SPPL3: variants seen among roughly 807,000 people sequenced by gnomAD.
SPPL3 encodes the protein signal peptide peptidase like 3, also known as signal peptide peptidase-like 3.
SPPL3 carries 5 observed loss-of-function variants against 42.4 expected under a neutral mutation model. The ratio of observed to expected loss-of-function variants is 0.12; its 90% CI spans 0.06 to 0.25. The LOEUF is 0.25. Among genes scored for constraint, SPPL3 ranks in the 10% least tolerant of loss-of-function variants. SPPL3 has a pLI of 1.00. For missense variants in SPPL3, 235 were observed against 489.0 expected (o/e 0.48, Z 4.90); for synonymous variants, 195 against 181.8 (o/e 1.07, Z -0.58).
At chr12:120,874,719 GTGTGTGA>G (rs1873031118) in intron 1 of SPPL3, among the ~76,000 whole-genome samples, 2 of 152,056 alleles carry the variant, frequency 1.3e-5, no homozygotes, top group South Asian at 4.1e-4. Context: ...ACGAGAGGGT[GTGTGTGA>G]TGTGGGGGAG....
rs771563038 is a variant in SPPL3 at position 120,784,455 on chromosome 12, CAG to C, written c.310+17_310+18del. ...TTCCTTTTAGTATGTTAAGACTAGA[CAG>C]AGAAACTCATATTTACCTGCTGTAC... On this transcript the variant is annotated intron_variant, in intron 4 of 10. Coordinates refer to ENST00000353487, the MANE Select transcript of SPPL3 (RefSeq NM_139015.5). 1.9e-6 allele frequency: 3 copies of C among 1,574,908 alleles called. No individual in the cohort carries two copies. In the Admixed American group the frequency reaches 5.8e-5, roughly 31 times the overall value.
chr12:120,803,330 G>A (rs888869446), intron 2 of SPPL3, among the ~76,000 whole-genome samples: 1 of 152,092 alleles, frequency 6.6e-6, no homozygotes, highest in Non-Finnish European at 1.5e-5. Flanking sequence ...GTTAGTACAT[G>A]CTCTGAAATC....
chr12:120,778,344 T>G (rs1367045334), intron 6 of SPPL3, among the ~76,000 whole-genome samples: 1 of 152,062 alleles, frequency 6.6e-6, no homozygotes, highest in East Asian at 1.9e-4. Context: ...CTCGAACTCC[T>G]GACCTCAGGT....
At chr12:120,898,509 G>A (rs1372317256) in intron 1 of SPPL3, among the ~76,000 whole-genome samples, 1 of 151,776 alleles carries the variant, frequency 6.6e-6, no homozygotes, top group Non-Finnish European at 1.5e-5. Flanking sequence ...AAGGAATCTG[G>A]GTTTTATTCT....
At chr12:120,783,620 G>T in intron 5 of SPPL3, 54 bp downstream of exon 5, 1 of 1,481,890 alleles carries the variant, frequency 6.7e-7, no homozygotes, top group South Asian at 1.3e-5. Context: ...TATCAAATAT[G>T]ACAGAAAAAT....
intron 2 of SPPL3, among the ~76,000 whole-genome samples, chr12:120,795,838 C>T (rs192848528): frequency 2.6e-5 from 4 of 152,252 alleles, no homozygotes; most frequent in Admixed American, 1.3e-4. Flanking sequence ...GACTCCATTA[C>T]CCATACAGTA....
intron 6 of SPPL3, among the ~76,000 whole-genome samples, chr12:120,775,336 G>C (rs1467848681): frequency 6.6e-6 from 1 of 152,128 alleles, no homozygotes; most frequent in Non-Finnish European, 1.5e-5. Context: ...ATTTTTAGTA[G>C]AGATGGGGTT....
chr12:120,878,835 C>T (rs372917919), intron 1 of SPPL3, among the ~76,000 whole-genome samples: 3 of 151,970 alleles, frequency 2.0e-5, no homozygotes, highest in Admixed American at 6.6e-5. Flanking sequence ...ACGATAAGGC[C>T]GGGCGCAGTG....
At chr12:120,789,884 T>G (rs1049651675) in intron 3 of SPPL3, among the ~76,000 whole-genome samples, 1 of 149,698 alleles carries the variant, frequency 6.7e-6, no homozygotes, top group Admixed American at 6.6e-5. Flanking sequence ...CTTTCCACTG[T>G]ACGGACTGGC....
At chr12:120,900,597 G>GAAAA (rs10657271) in intron 1 of SPPL3, among the ~76,000 whole-genome samples, 6 of 123,090 alleles carry the variant, frequency 4.9e-5, no homozygotes, top group African/African-American at 1.9e-4. Context: ...CTGTCTCAAG[G>GAAAA]AAAAAAAAAA....
intron 1 of SPPL3, among the ~76,000 whole-genome samples, chr12:120,855,888 G>A (rs1592997764): frequency 2.0e-5 from 3 of 152,254 alleles, no homozygotes; most frequent in African/African-American, 7.2e-5. Flanking sequence ...TGTTCACCAT[G>A]AACATGCTTT....
intron 2 of SPPL3, among the ~76,000 whole-genome samples, chr12:120,802,433 T>TATA (rs1250275570): frequency 4.0e-3 from 364 of 92,116 alleles, no homozygotes; most frequent in African/African-American, 0.016. Context: ...ATATATATAT[T>TATA]TTTTTTTTTT....
intron 1 of SPPL3, among the ~76,000 whole-genome samples, chr12:120,830,005 AAAAAG>A (rs915421023): frequency 6.6e-6 from 1 of 151,454 alleles, no homozygotes; most frequent in African/African-American, 2.4e-5. Context: ...AAAAAAAAAA[AAAAAG>A]AAGAGTAAAT....
At position 120,826,936 on chromosome 12, in the gene SPPL3, G is replaced by A. The variant is rs149884845; in HGVS notation, c.24-16050C>T. Among the ~76,000 whole-genome samples the A allele has an allele frequency of 3.7e-3, 563 of 152,116 alleles. 1 individual carries two copies. Among genetic ancestry groups the A allele is most frequent in the African/African-American group, 0.012 (503 of 41,494 alleles). ...AAATTGAGACATTCATAAAATGAGT[G>A]TCAAAATTTAAAAGTCATATACTGG... On this transcript the variant is annotated intron_variant, in intron 1 of 10. Coordinates refer to ENST00000353487, the MANE Select transcript of SPPL3 (RefSeq NM_139015.5).
intron 6 of SPPL3, among the ~76,000 whole-genome samples, chr12:120,773,520 T>A (rs73227038): frequency 0.042 from 6,367 of 152,084 alleles, 182 homozygotes; most frequent in South Asian, 0.12. Flanking sequence ...AGCTCACCAG[T>A]AACCAAAAGC....
At chr12:120,790,701 T>C (rs150590124) in intron 3 of SPPL3, among the ~76,000 whole-genome samples, 51 of 152,356 alleles carry the variant, frequency 3.3e-4, no homozygotes, top group African/African-American at 1.2e-3. Flanking sequence ...ATTTCATCTG[T>C]AGAGCTTCCT....
At chr12:120,854,307 CT>C (rs1378472700) in intron 1 of SPPL3, among the ~76,000 whole-genome samples, 2 of 152,154 alleles carry the variant, frequency 1.3e-5, no homozygotes, top group African/African-American at 2.4e-5. Flanking sequence ...TGGTCCACCC[CT>C]AAAACAATTT....
At position 120,789,824 on chromosome 12, in the gene SPPL3, CAAAAAAAAAAA is replaced by C. The variant is rs3050392; in HGVS notation, c.190+1634_190+1644del. 6.6e-4 allele frequency among the ~76,000 whole-genome samples: 20 copies of C among 30,464 alleles called. 1 individual carries two copies. The East Asian group carries it at 0.028, about 43-fold the overall frequency. 20.0% of individuals were successfully genotyped at this position (30,464 alleles called of 152,430 possible). On this transcript the variant is annotated intron_variant, in intron 3 of 10. Coordinates refer to ENST00000353487, the MANE Select transcript of SPPL3 (RefSeq NM_139015.5). The stretch of plus-strand genomic sequence containing the variant: ...TGAATGACAGAGCAAGACTCCGTCT[CAAAAAAAAAAA>C]AAAAAAAAAAAAAAAAGAGCTGTAT...
chr12:120,827,177 A>C lies in SPPL3; in HGVS notation c.24-16291T>G, dbSNP rs1360278818. Among the ~76,000 whole-genome samples the C allele has an allele frequency of 3.3e-5, 5 of 151,944 alleles. No homozygotes were observed. The South Asian group carries it at 8.3e-4, about 25-fold the overall frequency. On this transcript the variant is annotated intron_variant, in intron 1 of 10. Coordinates refer to ENST00000353487, the MANE Select transcript of SPPL3 (RefSeq NM_139015.5). ...ATATAGGGGGGCCACAAACAGCCAA[A>C]CAAAAGTTATCTGAACTTCTTTATA...
Sources: gnomAD v4.1 joint callset for allele counts (sites outside exome capture counted in the v4.1 genomes callset) on GRCh38, gnomAD v4.1.1 for gene constraint, MANE v1.5 for transcripts, NCBI Gene and HGNC (gene_info 2026-07-23, HGNC 2026-07-21) for gene names.